The following TRDMT1 variants were observed in gnomAD, a reference collection of about 807,000 sequenced individuals.
TRDMT1 encodes the protein tRNA (cytosine(38)-C(5))-methyltransferase.
Under a neutral mutation model 51.2 loss-of-function variants are expected in TRDMT1, and 49 were observed. The observed-to-expected ratio is 0.96, with a 90% CI of 0.76 to 1.21. The LOEUF is 1.21. Among genes scored for constraint, TRDMT1 ranks in the 50% most tolerant of loss-of-function variants. The pLI, the probability that TRDMT1 is intolerant of heterozygous loss-of-function variation, is 0.00. For missense variants in TRDMT1, 534 were observed against 462.3 expected, an observed-to-expected ratio of 1.16 and a Z score of -1.42; for synonymous variants, 187 against 164.6, an observed-to-expected ratio of 1.14 and a Z score of -1.04.
chr10:17,154,694 T>A lies in TRDMT1; in HGVS notation c.928A>T (p.Thr310Ser), dbSNP rs1172949924. The A allele has an allele frequency of 1.2e-6, 2 of 1,603,386 alleles. No individual in the cohort carries two copies. The highest frequency in any genetic ancestry group is 3.4e-5 in the Admixed American group (2 of 58,404). ...CATAGTACCTGCACATCCTCTGCAG[T>A]CTGTAACACAGACCCTGTCCCTTCT... ...YIEGTGSVLQ[T>S]AEDVQVENIY... The change falls in exon 9 of 11, where the codon ACT (threonine) becomes TCT (serine). Residue 310 changes from threonine to serine, a missense_variant. Transcript: ENST00000377799.
At position 17,139,422 on chromosome 10, in the gene TRDMT1, G is replaced by A. The variant is rs1344879220; in HGVS notation, c.*9618C>T. Among the ~76,000 whole-genome samples the A allele has an allele frequency of 6.6e-6, 1 of 152,142 alleles. No homozygotes were observed. Among genetic ancestry groups the A allele is most frequent in the Non-Finnish European group, 1.5e-5 (1 of 68,030 alleles). ...GGAAAAGGGGAAAGTACATCTTTGT[G>A]ATGATATTTTGTGTTCTATTAGGGG... On this transcript the variant is annotated 3_prime_UTR_variant, in exon 11 of 11. Transcript: ENST00000377799.
rs1165980717 is a variant in TRDMT1, at chr10:17,148,652, A to G, written c.*388T>C. 1 of 966,010 alleles carries G rather than the reference A, an allele frequency of 1.0e-6. No homozygotes were observed. The highest frequency in any genetic ancestry group is 1.2e-6 in the Non-Finnish European group (1 of 813,206). 59.8% of individuals were successfully genotyped at this position (966,010 alleles called of 1,614,324 possible). A position where few individuals can be genotyped will look rare whatever the true frequency, so the allele number is the denominator to read the frequency against. ...GAATTAGAATCATTATTTTAAAATT[A>G]GAAATAAAAAACTTCTTTAATTAAC... On this transcript the variant is annotated 3_prime_UTR_variant, in exon 11 of 11. Coordinates refer to ENST00000377799, the MANE Select transcript of TRDMT1 (RefSeq NM_004412.7).
chr10:17,178,251 C>T (rs963770609), intron 1 of TRDMT1, among the ~76,000 whole-genome samples: 2 of 152,180 alleles, frequency 1.3e-5, no homozygotes, highest in African/African-American at 2.4e-5. Context: ...AATGTCCTTT[C>T]ATTCAAAGTG....
At chr10:17,164,511 C>G (rs1445984668) in intron 3 of TRDMT1, among the ~76,000 whole-genome samples, 1 of 152,172 alleles carries the variant, frequency 6.6e-6, no homozygotes, top group Non-Finnish European at 1.5e-5. Flanking sequence ...GTTGGAAGTT[C>G]TGGCCAGGGC....
intron 1 of TRDMT1, among the ~76,000 whole-genome samples, chr10:17,193,965 T>C (rs1365400103): frequency 2.6e-5 from 4 of 151,864 alleles, no homozygotes; most frequent in Non-Finnish European, 5.9e-5. Flanking sequence ...AACAGACATA[T>C]CAGACAAACG....
Position 17,148,307 on chromosome 10 carries a change from T to G in TRDMT1, c.*733A>C. 1 of 985,376 alleles carries G rather than the reference T, an allele frequency of 1.0e-6. No individual in the cohort carries two copies. The highest frequency in any genetic ancestry group is 1.2e-6 in the Non-Finnish European group (1 of 829,926). The allele number at this position is 985,376 out of a possible 1,614,324, so 61.0% of individuals were successfully genotyped here. ...CATTCCTCAGCGTGCAAAGGCAAATTCAACTCAGAAGCTGAGAAGACAAAA... is the reference window on the plus strand; with the variant it reads ...CATTCCTCAGCGTGCAAAGGCAAATGCAACTCAGAAGCTGAGAAGACAAAA... On this transcript the variant is annotated 3_prime_UTR_variant, in exon 11 of 11. Coordinates refer to ENST00000377799, the MANE Select transcript of TRDMT1 (RefSeq NM_004412.7).
Position 17,153,514 on chromosome 10 carries a change from T to A in TRDMT1, c.1068A>T (p.Pro356=). Residue 356 remains proline (P), a synonymous_variant, in exon 10 of 11, where the codon CCA becomes CCT. Transcript: ENST00000377799. ...TGCACGTATCCCACATACCGAACTC[T>A]GGAGGAAATCCAAGGAGATTTGCTA... The part of the protein sequence containing the change: ...KEIANLLGFP[P]EFGFPEKITV... 1 of 1,614,076 alleles carries A rather than the reference T, an allele frequency of 6.2e-7. No homozygotes were observed. The highest frequency in any genetic ancestry group is 8.5e-7 in the Non-Finnish European group (1 of 1,179,962).
intron 2 of TRDMT1, among the ~76,000 whole-genome samples, chr10:17,174,043 G>A (rs986836735): frequency 2.6e-5 from 4 of 152,060 alleles, no homozygotes; most frequent in South Asian, 2.1e-4. Context: ...CATTACAGGC[G>A]TCAGCCACCG....
chr10:17,181,141 A>G (rs1027616653), intron 1 of TRDMT1, among the ~76,000 whole-genome samples: 9 of 152,336 alleles, frequency 5.9e-5, no homozygotes, highest in Non-Finnish European at 7.4e-5. Flanking sequence ...AGATGCAGCC[A>G]TGGACTAAAG....
At position 17,150,287 on chromosome 10, in the gene TRDMT1, T is replaced by C. The variant is rs545277848; in HGVS notation, c.1076-1147A>G. On this transcript the variant is annotated intron_variant, in intron 10 of 10. Coordinates refer to ENST00000377799, the MANE Select transcript of TRDMT1 (RefSeq NM_004412.7). ...CATTTATCTATTCCTTTTGGAGAAATGTTGACTCAAATCCTTGCCCATTTT... is the reference window on the plus strand; with the variant it reads ...CATTTATCTATTCCTTTTGGAGAAACGTTGACTCAAATCCTTGCCCATTTT... The C allele has an allele frequency of 2.5e-4, 156 of 620,296 alleles. No homozygotes were observed. In the African/African-American group the frequency reaches 3.0e-3, roughly 12 times the overall value. The allele number at this position is 620,296 out of a possible 1,614,324, so 38.4% of individuals were successfully genotyped here. A position where few individuals can be genotyped will look rare whatever the true frequency, so the allele number is the denominator to read the frequency against.
At chr10:17,201,444 G>GCCGCCCCCACAGTGT in intron 1 of TRDMT1, 127 bp downstream of exon 1, 1 of 835,796 alleles carries the variant, frequency 1.2e-6, no homozygotes, top group South Asian at 1.8e-5. Flanking sequence ...ACAACCGAGG[G>GCCGCCCCCACAGTGT]CCGCCCCACA....
intron 1 of TRDMT1, among the ~76,000 whole-genome samples, chr10:17,191,911 C>G (rs1844737611): frequency 6.6e-6 from 1 of 152,118 alleles, no homozygotes; most frequent in African/African-American, 2.4e-5. Context: ...CAGCCTGACA[C>G]TTCACCTGAG....
Position 17,201,668 on chromosome 10 carries a change from G to C in TRDMT1, c.-34C>G. On this transcript the variant is annotated 5_prime_UTR_variant, in exon 1 of 11. Transcript: ENST00000377799. ...CTCAGCCGCCGCAGCCCCGGAGCTA[G>C]GCCTGCCGGTCCGTCGCTCCTCCTC... 4.6e-6 allele frequency: 7 copies of C among 1,532,312 alleles called. No individual in the cohort carries two copies. The highest frequency in any genetic ancestry group is 5.3e-6 in the Non-Finnish European group (6 of 1,139,660). The allele number at this position is 1,532,312 out of a possible 1,614,324, so 94.9% of individuals were successfully genotyped here.
intron 3 of TRDMT1, among the ~76,000 whole-genome samples, chr10:17,163,798 C>G (rs1209640976): frequency 2.0e-5 from 3 of 151,996 alleles, no homozygotes; most frequent in Non-Finnish European, 4.4e-5. Flanking sequence ...ACACATACAC[C>G]CTCCCAAGAC....
rs1837820852 is a variant in TRDMT1 at position 17,143,142 on chromosome 10, A to G, written c.*5898T>C. 1.0e-6 allele frequency: 1 copy of G among 985,324 alleles called. No individual in the cohort carries two copies. Among genetic ancestry groups the G allele is most frequent in the Non-Finnish European group, 1.2e-6 (1 of 829,952 alleles). 61.0% of individuals were successfully genotyped at this position (985,324 alleles called of 1,614,324 possible). On this transcript the variant is annotated 3_prime_UTR_variant, in exon 11 of 11. Transcript: ENST00000377799. ...ACAGACAAATTAAATAGTTTTCAAG[A>G]GAACAACTTAAAGACATTGTTTGAA...
chr10:17,144,947 T>C lies in TRDMT1; in HGVS notation c.*4093A>G. ...ATGTGCAAGATGCTTAATGCCTTTT[T>C]AAAAAACATGCAAAGGGAGGCTGGG... On this transcript the variant is annotated 3_prime_UTR_variant, in exon 11 of 11. Coordinates refer to ENST00000377799, the MANE Select transcript of TRDMT1 (RefSeq NM_004412.7). 1.0e-6 allele frequency: 1 copy of C among 985,252 alleles called. No individual in the cohort carries two copies. The highest frequency in any genetic ancestry group is 1.7e-5 in the African/African-American group (1 of 57,300). 61.0% of individuals were successfully genotyped at this position (985,252 alleles called of 1,614,324 possible). A position where few individuals can be genotyped will look rare whatever the true frequency, so the allele number is the denominator to read the frequency against.
chr10:17,143,778 G>C lies in TRDMT1; in HGVS notation c.*5262C>G. The stretch of plus-strand genomic sequence containing the variant: ...GAAGCTGACCAATGGAATGCAGAGT[G>C]AGAAGGAAGGTGAAGATGATCTTTG... On this transcript the variant is annotated 3_prime_UTR_variant, in exon 11 of 11. Transcript: ENST00000377799. The C allele has an allele frequency of 1.0e-6, 1 of 985,444 alleles. No homozygotes were observed. Among genetic ancestry groups the C allele is most frequent in the Non-Finnish European group, 1.2e-6 (1 of 829,942 alleles). 61.0% of individuals were successfully genotyped at this position (985,444 alleles called of 1,614,324 possible).
rs77984099 is a variant in TRDMT1 at position 17,182,223 on chromosome 10, C to T, written c.65-7563G>A. The stretch of plus-strand genomic sequence containing the variant: ...TAAGGGGAGAACATATATAAAAATG[C>T]ACCCAACCTAGAAGAAACAAGGCTG... On this transcript the variant is annotated intron_variant, in intron 1 of 10. Coordinates refer to ENST00000377799, the MANE Select transcript of TRDMT1 (RefSeq NM_004412.7). 6.4e-3 allele frequency among the ~76,000 whole-genome samples: 968 copies of T among 152,280 alleles called. 15 individuals are homozygous for T. Among genetic ancestry groups the T allele is most frequent in the African/African-American group, 0.021 (889 of 41,554 alleles).
intron 1 of TRDMT1, among the ~76,000 whole-genome samples, chr10:17,176,458 G>A (rs960786698): frequency 6.6e-6 from 1 of 152,104 alleles, no homozygotes; most frequent in Admixed American, 6.5e-5. Flanking sequence ...ACTGCCAAAT[G>A]AGTATTTCAT....
Sources: allele counts gnomAD v4.1 joint callset (sites outside exome capture counted in the v4.1 genomes callset), GRCh38; gene constraint gnomAD v4.1.1; transcripts MANE v1.5; gene names NCBI Gene and HGNC (gene_info 2026-07-23, HGNC 2026-07-21).